Variants in ADCY10 observed in about 807,000 individuals in gnomAD.
ADCY10 encodes adenylate cyclase type 10.
A neutral mutation model predicts 183.3 loss-of-function variants in ADCY10; 156 were observed. That is an observed-to-expected ratio of 0.85 (90% CI 0.75 to 0.97). ADCY10 has a LOEUF of 0.97. Ranked by LOEUF, ADCY10 falls within the 50% of genes least tolerant of loss-of-function variation. ADCY10 has a pLI of 0.00. For missense variants in ADCY10, 1,745 were observed against 1,934.3 expected (o/e 0.90, Z 1.84); for synonymous variants, 645 against 670.0 (o/e 0.96, Z 0.58).
intron 8 of ADCY10, among the ~76,000 whole-genome samples, chr1:167,892,144 T>C (rs946486659): frequency 2.0e-5 from 3 of 152,082 alleles, no homozygotes; most frequent in African/African-American, 7.2e-5. Flanking sequence ...AACTAATTTT[T>C]GTATTTTTGT....
At chr1:167,836,279 G>T in intron 23 of ADCY10, 30 bp downstream of exon 23, 1 of 1,431,744 alleles carries the variant, frequency 7.0e-7, no homozygotes, top group Non-Finnish European at 9.8e-7. Flanking sequence ...TGTCTCTAGG[G>T]TGGAGGTGGT....
intron 17 of ADCY10, 21 bp from the exon 18 acceptor site, chr1:167,854,510 T>C (rs199733721): frequency 4.8e-5 from 77 of 1,613,986 alleles, no homozygotes; most frequent in Admixed American, 1.3e-4. Context: ...AACAAGGCAA[T>C]CTGTTTACAT....
At chr1:167,844,873 C>T (rs1463285264) in intron 21 of ADCY10, among the ~76,000 whole-genome samples, 1 of 152,070 alleles carries the variant, frequency 6.6e-6, no homozygotes, top group Non-Finnish European at 1.5e-5. Context: ...AGTAGGCAGC[C>T]CATTAGGAGC....
intron 18 of ADCY10, among the ~76,000 whole-genome samples, chr1:167,850,080 A>G (rs754293055): frequency 3.9e-5 from 6 of 152,178 alleles, no homozygotes; most frequent in Non-Finnish European, 8.8e-5. Flanking sequence ...TAATCCAACT[A>G]GTCGTATTTA....
At chr1:167,857,701 C>T (rs1443430511) in intron 16 of ADCY10, among the ~76,000 whole-genome samples, 2 of 152,136 alleles carry the variant, frequency 1.3e-5, no homozygotes, top group Admixed American at 1.3e-4. Flanking sequence ...TCACTTAATC[C>T]TCACAACATC....
intron 7 of ADCY10, among the ~76,000 whole-genome samples, chr1:167,895,235 C>T (rs1477151839): frequency 6.6e-6 from 1 of 151,014 alleles, no homozygotes; most frequent in African/African-American, 2.4e-5. Flanking sequence ...CAAAGTAAGG[C>T]CTGAAGAAAC....
chr1:167,837,748 A>G (rs1664332568), intron 21 of ADCY10, among the ~76,000 whole-genome samples: 1 of 152,236 alleles, frequency 6.6e-6, no homozygotes, highest in Non-Finnish European at 1.5e-5. Context: ...TGTGATAGCT[A>G]ATAACATTAT....
intron 12 of ADCY10, 26 bp from the exon 13 acceptor site, chr1:167,875,212 T>C: frequency 6.2e-7 from 1 of 1,611,522 alleles, no homozygotes. Context: ...AAAGAACAGA[T>C]GCTAGATTCA....
chr1:167,890,747 A>T (rs1468715613), intron 8 of ADCY10, among the ~76,000 whole-genome samples: 3 of 152,154 alleles, frequency 2.0e-5, no homozygotes, highest in Non-Finnish European at 2.9e-5. Flanking sequence ...TATGTAATTC[A>T]AACTTCCATT....
chr1:167,910,142 A>AC (rs1365618979), intron 1 of ADCY10, among the ~76,000 whole-genome samples: 1 of 152,100 alleles, frequency 6.6e-6, no homozygotes, highest in Non-Finnish European at 1.5e-5. Context: ...TCCTTCTTTA[A>AC]CCCGGGTGTC....
intron 17 of ADCY10, among the ~76,000 whole-genome samples, chr1:167,855,648 C>T (rs1571315036): frequency 6.6e-6 from 1 of 152,136 alleles, no homozygotes; most frequent in Admixed American, 6.5e-5. Flanking sequence ...TTTAAGAAGG[C>T]GTAACAGGGA....
chr1:167,843,041 G>A (rs574529464), intron 21 of ADCY10, among the ~76,000 whole-genome samples: 2 of 152,314 alleles, frequency 1.3e-5, no homozygotes, highest in East Asian at 1.9e-4. Flanking sequence ...TTCTGAACAG[G>A]TGAAAAATTC....
chr1:167,845,080 G>T (rs562276674), intron 21 of ADCY10, among the ~76,000 whole-genome samples: 1 of 152,240 alleles, frequency 6.6e-6, no homozygotes, highest in African/African-American at 2.4e-5. Context: ...TTGAATTCTT[G>T]CCCTGAAACC....
intron 21 of ADCY10, among the ~76,000 whole-genome samples, chr1:167,842,664 C>T (rs1241958463): frequency 6.6e-6 from 1 of 151,788 alleles, no homozygotes; most frequent in African/African-American, 2.4e-5. Flanking sequence ...CAGTATATTA[C>T]TTGGTTTGTA....
Position 167,845,670 on chromosome 1 carries a change from C to G in ADCY10, c.2900G>C (p.Cys967Ser). The G allele has an allele frequency of 6.2e-7, 1 of 1,614,276 alleles. No individual in the cohort carries two copies. Among genetic ancestry groups the G allele is most frequent in the Non-Finnish European group, 8.5e-7 (1 of 1,180,052 alleles). Residue 967 changes from cysteine (C) to serine (S), a missense_variant, in exon 21 of 33, where the codon TGC (cysteine) becomes TCC (serine). Transcript: ENST00000367851. ...ATAGGGAATGAAGTCCCTGCCTCGG[C>G]AGTGGTCACATCTGTGGGCATCTTC... ...LEEDAHRCDH[C>S]RGRDFIPYHH...
At chr1:167,829,519 G>T in intron 25 of ADCY10, 96 bp from the exon 26 acceptor site, 2 of 1,456,240 alleles carry the variant, frequency 1.4e-6, no homozygotes, top group Non-Finnish European at 1.9e-6. Context: ...CTATGGGCCT[G>T]GGAATCAAAA....
Position 167,810,839 on chromosome 1 carries a change from G to A in ADCY10, c.4557C>T (p.Tyr1519=), listed in dbSNP as rs142068023. ...GCCCATCTCCCATTAATATACAGAC[G>A]TAAGCCATCAGGTGGTAGAGCCTTG... The part of the protein sequence containing the change: ...FCPRLYHLMA[Y]VCILMGDGQK... Residue 1519 remains tyrosine (Y), a synonymous_variant, in exon 32 of 33, where the codon TAC becomes TAT. Transcript: ENST00000367851. 46 of 1,613,994 alleles carry A rather than the reference G, an allele frequency of 2.9e-5. No individual in the cohort carries two copies. The highest frequency in any genetic ancestry group is 7.7e-5 in the South Asian group (7 of 91,080).
At chr1:167,905,921 T>C (rs2102454736) in intron 1 of ADCY10, among the ~76,000 whole-genome samples, 1 of 152,356 alleles carries the variant, frequency 6.6e-6, no homozygotes, top group South Asian at 2.1e-4. Flanking sequence ...GTAAAAATCA[T>C]GCTCTACCAG....
intron 14 of ADCY10, among the ~76,000 whole-genome samples, chr1:167,866,172 G>A (rs1347389986): frequency 6.6e-6 from 1 of 152,216 alleles, no homozygotes; most frequent in East Asian, 1.9e-4. Flanking sequence ...AACTGGAGTG[G>A]CACTTATACT....
Sources: allele counts gnomAD v4.1 joint callset (sites outside exome capture counted in the v4.1 genomes callset), GRCh38; gene constraint gnomAD v4.1.1; transcripts MANE v1.5; gene names NCBI Gene and HGNC (gene_info 2026-07-23, HGNC 2026-07-21).